MEIKIN: variants seen among roughly 807,000 people sequenced by gnomAD.
The protein encoded by MEIKIN is meiotic kinetochore factor.
At chr5:131,826,090 T>C (rs917554645) in intron 11 of MEIKIN, among the ~76,000 whole-genome samples, 17 of 147,966 alleles carry the variant, frequency 1.1e-4, no homozygotes, top group African/African-American at 2.9e-4. Context: ...TGTTTTCTTT[T>C]TTTTTTTTTT....
chr5:131,918,514 A>G (rs1192810688), intron 6 of MEIKIN, among the ~76,000 whole-genome samples: 1 of 152,208 alleles, frequency 6.6e-6, no homozygotes, highest in African/African-American at 2.4e-5. Context: ...TCAACTTTCC[A>G]ATAAAGGACC....
At chr5:131,935,282 A>G (rs1210823674) in intron 4 of MEIKIN, among the ~76,000 whole-genome samples, 1 of 150,474 alleles carries the variant, frequency 6.6e-6, no homozygotes, top group South Asian at 2.1e-4. Flanking sequence ...AAAAAAAAAA[A>G]AAAAAAAGAA....
At chr5:131,856,705 C>A (rs1750198060) in intron 9 of MEIKIN, among the ~76,000 whole-genome samples, 1 of 152,096 alleles carries the variant, frequency 6.6e-6, no homozygotes, top group South Asian at 2.1e-4. Flanking sequence ...TAATTGTCAA[C>A]TATCAGTCCA....
At chr5:131,926,204 G>A (rs1477971115) in intron 5 of MEIKIN, among the ~76,000 whole-genome samples, 1 of 152,054 alleles carries the variant, frequency 6.6e-6, no homozygotes, top group African/African-American at 2.4e-5. Context: ...ATTATGTTGA[G>A]GTAATTGCCT....
chr5:131,880,159 G>T (rs926804630), intron 8 of MEIKIN, among the ~76,000 whole-genome samples: 1 of 151,964 alleles, frequency 6.6e-6, no homozygotes. Context: ...GCGCGATCTA[G>T]GCTCACTGCA....
rs1773146869 is a variant in MEIKIN, at chr5:131,818,749, T to C, written c.1090A>G (p.Thr364Ala). The C allele has an allele frequency of 2.5e-6, 1 of 398,040 alleles. No homozygotes were observed. Among genetic ancestry groups the C allele is most frequent in the Non-Finnish European group, 4.4e-6 (1 of 225,746 alleles). 24.7% of individuals were successfully genotyped at this position (398,040 alleles called of 1,614,324 possible). A position where few individuals can be genotyped will look rare whatever the true frequency, so the allele number is the denominator to read the frequency against. ...KKKKYSLPKD[T>A]PQDIIIKMA ...ATTCATACTACAGTACCTTGAGGGG[T>C]ATCCTTAGGAAGAGAATATTTCTTC... The change falls in exon 12 of 13, where the codon ACC (threonine) becomes GCC (alanine). Residue 364 changes from threonine to alanine, a missense_variant. Transcript: ENST00000442687.
chr5:131,922,859 AC>A (rs1751528249), intron 5 of MEIKIN, among the ~76,000 whole-genome samples: 1 of 152,144 alleles, frequency 6.6e-6, no homozygotes. Flanking sequence ...TGGAGTCAAT[AC>A]AAGTCCCTTT....
chr5:131,933,358 G>T (rs1482269736), intron 5 of MEIKIN, among the ~76,000 whole-genome samples, 155 bp downstream of exon 5: 1 of 152,164 alleles, frequency 6.6e-6, no homozygotes, highest in Non-Finnish European at 1.5e-5. Flanking sequence ...TATGTGACTG[G>T]GAATGAAACA....
intron 9 of MEIKIN, among the ~76,000 whole-genome samples, chr5:131,865,628 T>C (rs939539164): frequency 6.6e-6 from 1 of 152,218 alleles, no homozygotes; most frequent in South Asian, 2.1e-4. Context: ...TTGATATCTG[T>C]GCATCTGGTG....
At chr5:131,912,523 G>A (rs1217870117) in intron 7 of MEIKIN, among the ~76,000 whole-genome samples, 1 of 151,990 alleles carries the variant, frequency 6.6e-6, no homozygotes, top group Middle Eastern at 3.2e-3. Flanking sequence ...CCACAAAAAT[G>A]GGATTTCTGA....
At chr5:131,814,540 G>C (rs1398229356) in intron 12 of MEIKIN, among the ~76,000 whole-genome samples, 1 of 152,052 alleles carries the variant, frequency 6.6e-6, no homozygotes, top group African/African-American at 2.4e-5. Context: ...ACCTCCCAAA[G>C]CGGTGGGATT....
intron 9 of MEIKIN, among the ~76,000 whole-genome samples, chr5:131,875,284 T>A (rs567638044): frequency 0.013 from 1,943 of 152,344 alleles, 22 homozygotes; most frequent in South Asian, 0.021. Context: ...CTGATAGGCA[T>A]CTTCAGCAAA....
chr5:131,930,223 T>C lies in MEIKIN; in HGVS notation c.478+3290A>G, dbSNP rs560883613. On this transcript the variant is annotated intron_variant, in intron 5 of 12. Coordinates refer to ENST00000442687, the MANE Select transcript of MEIKIN (RefSeq NM_001303622.2). ...TTTGACTTTTTAATAATAGCCACCTTGACTGGTATGCAATGCTATCTCATT... is the reference window on the plus strand; with the variant it reads ...TTTGACTTTTTAATAATAGCCACCTCGACTGGTATGCAATGCTATCTCATT... Among the ~76,000 whole-genome samples the C allele has an allele frequency of 7.9e-5, 12 of 152,342 alleles. No individual in the cohort carries two copies. In the South Asian group the frequency reaches 2.1e-3, roughly 26 times the overall value.
At chr5:131,922,120 T>C (rs1033800430) in intron 5 of MEIKIN, among the ~76,000 whole-genome samples, 179 bp from the exon 6 acceptor site, 1 of 152,144 alleles carries the variant, frequency 6.6e-6, no homozygotes, top group Non-Finnish European at 1.5e-5. Context: ...TAATCTATAG[T>C]CTATTCTGGT....
intron 9 of MEIKIN, among the ~76,000 whole-genome samples, chr5:131,861,800 C>T (rs942764352): frequency 1.3e-5 from 2 of 152,146 alleles, no homozygotes; most frequent in African/African-American, 4.8e-5. Flanking sequence ...TGGTATAAAA[C>T]CCACTTAATC....
At position 131,890,285 on chromosome 5, in the gene MEIKIN, C is replaced by T. The variant is rs188197380; in HGVS notation, c.704-11237G>A. Among the ~76,000 whole-genome samples the T allele has an allele frequency of 7.5e-4, 114 of 152,288 alleles. 1 individual carries two copies. The highest frequency in any genetic ancestry group is 3.4e-3 in the Middle Eastern group (1 of 294). ...GTTTCAGAAGGAATGGTACCAGCTC[C>T]TCCTTGTACCTCTGGTAGAATTCAG... On this transcript the variant is annotated intron_variant, in intron 8 of 12. Transcript: ENST00000442687.
chr5:131,924,072 A>G (rs938868816), intron 5 of MEIKIN, among the ~76,000 whole-genome samples: 5 of 152,102 alleles, frequency 3.3e-5, no homozygotes, highest in African/African-American at 1.2e-4. Flanking sequence ...ATAAGTGGAA[A>G]TATCAAGTAT....
At chr5:131,863,167 G>A (rs6596041) in intron 9 of MEIKIN, among the ~76,000 whole-genome samples, 119,085 of 152,090 alleles carry the variant, frequency 0.78, 46,872 homozygotes, top group African/African-American at 0.83. Context: ...TATGATCTCA[G>A]TTTTTTCAAG....
chr5:131,935,901 C>G (rs1049591606), intron 4 of MEIKIN, among the ~76,000 whole-genome samples: 1 of 152,194 alleles, frequency 6.6e-6, no homozygotes, highest in Non-Finnish European at 1.5e-5. Context: ...GAGTAGTAGG[C>G]TTTCCCTCTG....
Sources: allele counts gnomAD v4.1 joint callset (sites outside exome capture counted in the v4.1 genomes callset), GRCh38; gene constraint gnomAD v4.1.1; transcripts MANE v1.5; gene names NCBI Gene and HGNC (gene_info 2026-07-23, HGNC 2026-07-21).